Variants in ZFHX3 observed in about 807,000 individuals in gnomAD.
ZFHX3 encodes zinc finger homeobox 3.
A neutral mutation model predicts 279.1 loss-of-function variants in ZFHX3; 42 were observed. That is an observed-to-expected ratio of 0.15 (90% CI 0.12 to 0.19). The LOEUF (loss-of-function observed/expected upper bound fraction) is 0.19. Among genes scored for constraint, ZFHX3 ranks in the 10% least tolerant of loss-of-function variants. The probability of loss-of-function intolerance (pLI) is 1.00; values close to 1 mark genes in which losing one functional copy is unlikely to be tolerated. For missense variants in ZFHX3, 4,981 were observed against 4,754.0 expected (o/e 1.05, Z -1.40); for synonymous variants, 2,293 against 1,957.8 (o/e 1.17, Z -4.52).
intron 3 of ZFHX3, chr16:73,386,869 C>T (rs181203746): frequency 6.6e-6 from 1 of 152,308 alleles, no homozygotes; most frequent in East Asian, 1.9e-4. Context: ...ACGCCTCCTG[C>T]CACATCGGAT....
At chr16:72,911,215 T>C (rs1418682501) in intron 3 of ZFHX3, among the ~76,000 whole-genome samples, 5 of 152,214 alleles carry the variant, frequency 3.3e-5, no homozygotes, top group Admixed American at 6.5e-5. Flanking sequence ...GCCAGCTTAA[T>C]TCTGCCACAG....
chr16:73,411,309 G>C (rs1032361598), intron 3 of ZFHX3, among the ~76,000 whole-genome samples: 5 of 152,194 alleles, frequency 3.3e-5, no homozygotes, highest in African/African-American at 1.2e-4. Context: ...GGAGATTTGT[G>C]TATTATTGTT....
intron 3 of ZFHX3, among the ~76,000 whole-genome samples, chr16:73,358,123 G>A (rs2016375107): frequency 6.6e-6 from 1 of 152,194 alleles, no homozygotes; most frequent in African/African-American, 2.4e-5. Context: ...GTCAGCTTAG[G>A]AGCTTCTTTG....
At chr16:72,901,615 G>A (rs2039038515) in intron 3 of ZFHX3, among the ~76,000 whole-genome samples, 1 of 152,212 alleles carries the variant, frequency 6.6e-6, no homozygotes, top group Non-Finnish European at 1.5e-5. Context: ...TCTGGCTGAT[G>A]CAGACATTTC....
At chr16:73,059,214 A>AT (rs1965641463) in exon 1 of ZFHX3, 1 of 67,588 alleles carries the variant, frequency 1.5e-5, no homozygotes, top group Admixed American at 2.1e-4. Context: ...GGAGGAAGGG[A>AT]GGAAAAAAAA....
intron 1 of ZFHX3, among the ~76,000 whole-genome samples, chr16:73,703,675 C>G (rs1312078845): frequency 6.6e-6 from 1 of 151,998 alleles, no homozygotes; most frequent in Non-Finnish European, 1.5e-5. Context: ...TTTAAGAGTC[C>G]CGGGAGGTGC....
At chr16:73,259,121 G>A (rs1028509666) in intron 4 of ZFHX3, among the ~76,000 whole-genome samples, 2 of 152,144 alleles carry the variant, frequency 1.3e-5, no homozygotes, top group African/African-American at 4.8e-5. Context: ...GTTTTTCACT[G>A]TTACAAGTCA....
chr16:73,308,058 G>A (rs962034169), intron 4 of ZFHX3, among the ~76,000 whole-genome samples: 2 of 151,628 alleles, frequency 1.3e-5, no homozygotes, highest in African/African-American at 4.9e-5. Flanking sequence ...AGCCAAAGAG[G>A]GGGAAAAGGC....
intron 2 of ZFHX3, among the ~76,000 whole-genome samples, chr16:73,469,143 C>T (rs955634676): frequency 6.6e-6 from 1 of 152,202 alleles, no homozygotes; most frequent in Admixed American, 6.5e-5. Context: ...CACCCAGCCC[C>T]TCGACCTTGA....
At chr16:73,132,859 G>C (rs777999642) in intron 6 of ZFHX3, among the ~76,000 whole-genome samples, 1 of 152,170 alleles carries the variant, frequency 6.6e-6, no homozygotes, top group Non-Finnish European at 1.5e-5. Flanking sequence ...ACAAATGCTC[G>C]ATGTTGGCCA....
At chr16:73,475,120 G>C (rs1205501026) in intron 2 of ZFHX3, among the ~76,000 whole-genome samples, 1 of 152,116 alleles carries the variant, frequency 6.6e-6, no homozygotes, top group African/African-American at 2.4e-5. Context: ...TTGCTGAGTA[G>C]TTCTTCAGTT....
intron 2 of ZFHX3, among the ~76,000 whole-genome samples, chr16:73,471,474 T>A (rs72799490): frequency 0.11 from 16,650 of 152,038 alleles, 1,332 homozygotes; most frequent in East Asian, 0.45. Flanking sequence ...AATGGTGCAA[T>A]CTTGGCTCAC....
In ZFHX3 at chr16:73,353,773, A is replaced by G. The variant is rs981952342; in HGVS notation, c.-1290-35437T>C. ...AAAAGAGGCAGGAGGAGAAAGGAAG[A>G]AAGACATTTGGCATAAAGAACAGGA... On this transcript the variant is annotated intron_variant, in intron 3 of 17. Transcript: ENST00000641206. Among the ~76,000 whole-genome samples, 61 of 152,322 alleles carry G rather than the reference A, an allele frequency of 4.0e-4. 1 individual carries two copies. The highest frequency in any genetic ancestry group is 1.4e-3 in the African/African-American group (57 of 41,568).
At chr16:73,505,663 C>A (rs988509775) in intron 2 of ZFHX3, among the ~76,000 whole-genome samples, 1 of 152,210 alleles carries the variant, frequency 6.6e-6, no homozygotes, top group African/African-American at 2.4e-5. Context: ...CTTAATGACT[C>A]CGCAGGCTTA....
In ZFHX3 at chr16:72,987,707, T is replaced by A. The variant is rs140543586; in HGVS notation, c.-49-27513A>T. ...CATTCGTTTGCCAAAGACCTTGCCA[T>A]GAACTCATGGATACCACAGCATGGC... On this transcript the variant is annotated intron_variant, in intron 1 of 9. Coordinates refer to ENST00000268489, the MANE Select transcript of ZFHX3 (RefSeq NM_006885.4). Among the ~76,000 whole-genome samples the A allele has an allele frequency of 2.8e-3, 425 of 152,274 alleles. 1 individual carries two copies. The highest frequency in any genetic ancestry group is 9.6e-3 in the African/African-American group (399 of 41,552).
chr16:73,669,333 C>T (rs1182736674), intron 2 of ZFHX3, among the ~76,000 whole-genome samples: 1 of 152,162 alleles, frequency 6.6e-6, no homozygotes, highest in African/African-American at 2.4e-5. Context: ...GGATTACAGG[C>T]GTGAGCCACC....
chr16:73,093,133 C>A (rs1462247071), intron 8 of ZFHX3: 1 of 519,996 alleles, frequency 1.9e-6, no homozygotes, highest in East Asian at 5.4e-5. Flanking sequence ...ACAAGAACAA[C>A]CCCGACAGCT....
rs557098325 is a variant in ZFHX3 at position 73,210,151 on chromosome 16, A to T, written c.-1104+46896T>A. Among the ~76,000 whole-genome samples the T allele has an allele frequency of 2.0e-5, 3 of 152,334 alleles. No homozygotes were observed. In the South Asian group the frequency reaches 6.2e-4, roughly 32 times the overall value. On this transcript the variant is annotated intron_variant, in intron 5 of 17. Coordinates refer to the ZFHX3 transcript ENST00000641206. ...CCATGCTCAGTTAAGGTGCTTGATA[A>T]ATACTGTAGCATAAAATGAAATAAA... is the stretch of plus-strand genomic sequence containing the variant.
intron 8 of ZFHX3, among the ~76,000 whole-genome samples, chr16:73,069,762 G>T (rs1274417932): frequency 6.6e-6 from 1 of 152,120 alleles, no homozygotes; most frequent in East Asian, 1.9e-4. Context: ...AACTGAGTTG[G>T]TCACTCCACT....
Sources: allele counts gnomAD v4.1 joint callset (sites outside exome capture counted in the v4.1 genomes callset), GRCh38; gene constraint gnomAD v4.1.1; transcripts MANE v1.5; gene names NCBI Gene and HGNC (gene_info 2026-07-23, HGNC 2026-07-21).